Variants in MAP2K6 observed in about 807,000 individuals in gnomAD.
MAP2K6 encodes mitogen-activated protein kinase kinase 6.
A neutral mutation model predicts 53.7 loss-of-function variants in MAP2K6; 16 were observed. That is an observed-to-expected ratio of 0.30 (90% CI 0.20 to 0.45). The LOEUF (loss-of-function observed/expected upper bound fraction) is 0.45. Ranked by LOEUF, MAP2K6 falls within the 20% of genes least tolerant of loss-of-function variation. The probability of loss-of-function intolerance (pLI) is 1.00; values close to 1 mark genes in which losing one functional copy is unlikely to be tolerated. For synonymous variants in MAP2K6, 132 were observed against 143.1 expected (o/e 0.92, Z 0.55); for missense variants, 204 against 411.9 (o/e 0.50, Z 4.37).
At chr17:69,507,203 C>T (rs1414087098) in intron 2 of MAP2K6, among the ~76,000 whole-genome samples, 1 of 152,110 alleles carries the variant, frequency 6.6e-6, no homozygotes, top group Non-Finnish European at 1.5e-5. Flanking sequence ...TCCCTTTCCC[C>T]AGGCCATGCC....
intron 1 of MAP2K6, among the ~76,000 whole-genome samples, chr17:69,444,115 C>G (rs1171121776): frequency 2.0e-5 from 3 of 152,104 alleles, no homozygotes; most frequent in Non-Finnish European, 2.9e-5. Context: ...TAGGGTTGGT[C>G]CTAAAATATT....
intron 1 of MAP2K6, among the ~76,000 whole-genome samples, chr17:69,471,010 G>A (rs923914230): frequency 1.3e-5 from 2 of 152,138 alleles, no homozygotes; most frequent in Admixed American, 6.5e-5. Flanking sequence ...ACAGCACCTA[G>A]GACAGTACCT....
chr17:69,489,464 A>C (rs920800008), intron 1 of MAP2K6, among the ~76,000 whole-genome samples: 2 of 152,246 alleles, frequency 1.3e-5, no homozygotes, highest in African/African-American at 2.4e-5. Context: ...AACAATTTCC[A>C]GACTTATTAC....
intron 2 of MAP2K6, among the ~76,000 whole-genome samples, chr17:69,507,281 G>T (rs1909551389): frequency 6.6e-6 from 1 of 152,014 alleles, no homozygotes; most frequent in Non-Finnish European, 1.5e-5. Flanking sequence ...CAAGAATGTG[G>T]CAGTAGTGCA....
intron 1 of MAP2K6, among the ~76,000 whole-genome samples, chr17:69,491,284 C>T (rs1019233531): frequency 1.3e-5 from 2 of 152,170 alleles, no homozygotes; most frequent in African/African-American, 4.8e-5. Flanking sequence ...GCTGGGATTA[C>T]AGGCACGTGC....
At chr17:69,441,800 G>A (rs146181591) in intron 1 of MAP2K6, among the ~76,000 whole-genome samples, 145 of 152,248 alleles carry the variant, frequency 9.5e-4, no homozygotes, top group African/African-American at 3.3e-3. Flanking sequence ...CCTCCTTACT[G>A]CCAGGTGGGT....
At chr17:69,437,392 G>A (rs1278986331) in intron 1 of MAP2K6, among the ~76,000 whole-genome samples, 1 of 152,082 alleles carries the variant, frequency 6.6e-6, no homozygotes, top group Non-Finnish European at 1.5e-5. Flanking sequence ...CTAAGGAGGA[G>A]GAGGAAGAAG....
At chr17:69,539,413 G>A (rs978321845) in intron 11 of MAP2K6, among the ~76,000 whole-genome samples, 2 of 152,208 alleles carry the variant, frequency 1.3e-5, no homozygotes, top group South Asian at 2.1e-4. Flanking sequence ...CCTGGTTGCT[G>A]CCCTTGCTAA....
At chr17:69,481,710 C>T (rs1462628529) in intron 1 of MAP2K6, among the ~76,000 whole-genome samples, 1 of 152,030 alleles carries the variant, frequency 6.6e-6, no homozygotes, top group South Asian at 2.1e-4. Context: ...GTGTCCATGT[C>T]CAAATTTCCT....
intron 1 of MAP2K6, among the ~76,000 whole-genome samples, chr17:69,439,248 C>T (rs1227577201): frequency 6.6e-6 from 1 of 152,168 alleles, no homozygotes; most frequent in Admixed American, 6.5e-5. Flanking sequence ...TCTCTCCCTG[C>T]CCTCTCTCAT....
Position 69,518,597 on chromosome 17 carries a change from G to A in MAP2K6, c.247-716G>A, listed in dbSNP as rs1368585838. Among the ~76,000 whole-genome samples the A allele has an allele frequency of 2.0e-5, 3 of 152,152 alleles. No individual in the cohort carries two copies. The East Asian group carries it at 5.8e-4, about 29-fold the overall frequency. On this transcript the variant is annotated intron_variant, in intron 4 of 11. Transcript: ENST00000590474. ...CATCTCTAGCTGAGTTAATAGATTGGGGCTATTGTTAGGAATAATCAGGTG... is the reference window on the plus strand; with the variant it reads ...CATCTCTAGCTGAGTTAATAGATTGAGGCTATTGTTAGGAATAATCAGGTG...
intron 4 of MAP2K6, among the ~76,000 whole-genome samples, chr17:69,519,036 A>G (rs1910324236): frequency 1.3e-5 from 2 of 152,188 alleles, no homozygotes; most frequent in Non-Finnish European, 2.9e-5. Context: ...AGTAAACCAG[A>G]TTGTTTTCAT....
At chr17:69,500,084 G>A (rs1832036887) in intron 1 of MAP2K6, among the ~76,000 whole-genome samples, 1 of 152,172 alleles carries the variant, frequency 6.6e-6, no homozygotes, top group African/African-American at 2.4e-5. Context: ...ATGAGCAAAG[G>A]TAAGGTCTTA....
chr17:69,475,140 GTTTAA>G (rs1399230882), intron 1 of MAP2K6, among the ~76,000 whole-genome samples: 1 of 135,702 alleles, frequency 7.4e-6, no homozygotes, highest in Non-Finnish European at 1.6e-5. Context: ...TCTTGTTCTT[GTTTAA>G]TTTAAGATTG....
At chr17:69,531,713 CCTT>C (rs1362854825) in intron 10 of MAP2K6, among the ~76,000 whole-genome samples, 1 of 152,000 alleles carries the variant, frequency 6.6e-6, no homozygotes, top group Non-Finnish European at 1.5e-5. Flanking sequence ...TCTTACAAAC[CCTT>C]CTTTTCTGTA....
In MAP2K6 at chr17:69,517,622, G is replaced by GAC. The variant is rs759462822; in HGVS notation, c.246+11_246+12dup. 2 of 1,578,054 alleles carry GAC rather than the reference G, an allele frequency of 1.3e-6. No individual in the cohort carries two copies. Among genetic ancestry groups the GAC allele is most frequent in the Non-Finnish European group, 1.7e-6 (2 of 1,159,358 alleles). On this transcript the variant is annotated intron_variant, in intron 4 of 11. Transcript: ENST00000590474. Reference sequence around the variant, plus strand: ...AGATCATGGCAGTGAAGGTAGAGTTGACATTCTCCCAAATGTTTTATATCT... The same window carrying GAC: ...AGATCATGGCAGTGAAGGTAGAGTTGACACATTCTCCCAAATGTTTTATATCT...
chr17:69,505,871 A>C (rs751310152), intron 2 of MAP2K6, 25 bp downstream of exon 2: 30 of 1,600,958 alleles, frequency 1.9e-5, no homozygotes, highest in Non-Finnish European at 2.6e-5. Flanking sequence ...CCATCATCTG[A>C]ATCCAAATCC....
At chr17:69,539,501 G>T (rs1911511069) in intron 11 of MAP2K6, among the ~76,000 whole-genome samples, 1 of 152,122 alleles carries the variant, frequency 6.6e-6, no homozygotes, top group Admixed American at 6.5e-5. Flanking sequence ...AAGAAGGCAA[G>T]TCACACTTTC....
intron 10 of MAP2K6, among the ~76,000 whole-genome samples, chr17:69,528,264 A>G (rs1051867059): frequency 3.3e-5 from 5 of 152,038 alleles, no homozygotes; most frequent in African/African-American, 1.2e-4. Context: ...TTCCCTGATG[A>G]TGTATGAGGC....
Sources: allele counts gnomAD v4.1 joint callset (sites outside exome capture counted in the v4.1 genomes callset), GRCh38; gene constraint gnomAD v4.1.1; transcripts MANE v1.5; gene names NCBI Gene and HGNC (gene_info 2026-07-23, HGNC 2026-07-21).